CELA2A: variants seen among roughly 807,000 people sequenced by gnomAD.
CELA2A encodes the protein chymotrypsin-like elastase family member 2A.
CELA2A carries 31 observed loss-of-function variants against 35.3 expected under a neutral mutation model. That is an observed-to-expected ratio of 0.88 (90% CI 0.66 to 1.19). CELA2A has a LOEUF of 1.19. CELA2A is among the 50% of genes most tolerant of loss of function. CELA2A has a pLI of 0.00. For synonymous variants in CELA2A, 150 were observed against 149.8 expected, an observed-to-expected ratio of 1.00 and a Z score of -0.01; for missense variants, 330 against 352.9, an observed-to-expected ratio of 0.94 and a Z score of 0.52.
chr1:15,469,802 C>A (rs1319199060), intron 7 of CELA2A, among the ~76,000 whole-genome samples: 2 of 152,214 alleles, frequency 1.3e-5, no homozygotes, highest in Non-Finnish European at 2.9e-5. Context: ...TGGCCTGAGA[C>A]TGACTGGACG....
At chr1:15,458,249 T>A (rs1708386934) in intron 2 of CELA2A, among the ~76,000 whole-genome samples, 1 of 152,160 alleles carries the variant, frequency 6.6e-6, no homozygotes, top group African/African-American at 2.4e-5. Context: ...TTTGAGACGT[T>A]CACAAAGCAA....
At chr1:15,467,217 A>T (rs1708530199) in intron 6 of CELA2A, among the ~76,000 whole-genome samples, 169 bp from the exon 7 acceptor site, 1 of 152,188 alleles carries the variant, frequency 6.6e-6, no homozygotes, top group African/African-American at 2.4e-5. Flanking sequence ...AGGAAGAATA[A>T]GTGTTGGCTC....
At chr1:15,459,918 A>G (rs1171493434) in intron 2 of CELA2A, among the ~76,000 whole-genome samples, 1 of 151,228 alleles carries the variant, frequency 6.6e-6, no homozygotes, top group Non-Finnish European at 1.5e-5. Flanking sequence ...AGAGTTTGAG[A>G]CCAGCATGGG....
chr1:15,464,742 AC>A (rs1210324988), intron 5 of CELA2A, among the ~76,000 whole-genome samples: 1 of 151,926 alleles, frequency 6.6e-6, no homozygotes, highest in Non-Finnish European at 1.5e-5. Context: ...TCCCCAGACA[AC>A]CCTGGGGCAG....
At chr1:15,460,567 GGGA>G (rs1032673744) in intron 2 of CELA2A, among the ~76,000 whole-genome samples, 1 of 151,958 alleles carries the variant, frequency 6.6e-6, no homozygotes, top group African/African-American at 2.4e-5. Context: ...TGAAAGACAG[GGGA>G]GGAGGAATGA....
chr1:15,463,366 T>C lies in CELA2A; in HGVS notation c.357-20T>C, dbSNP rs7555510. The C allele has an allele frequency of 0.078, 125,021 of 1,612,892 alleles. 5,988 individuals are homozygous for C. The highest frequency in any genetic ancestry group is 0.21 in the African/African-American group (15,708 of 74,936). ...GAAAAGTCAACCCGGTCCTCATGCTTCGCCTCCACACTCACCCAGGAACGA... is the reference window on the plus strand; with the variant it reads ...GAAAAGTCAACCCGGTCCTCATGCTCCGCCTCCACACTCACCCAGGAACGA... On this transcript the variant is annotated intron_variant, in intron 4 of 7. Coordinates refer to ENST00000359621, the MANE Select transcript of CELA2A (RefSeq NM_033440.3).
At chr1:15,470,244 T>G (rs1395185803) in intron 7 of CELA2A, among the ~76,000 whole-genome samples, 1 of 152,120 alleles carries the variant, frequency 6.6e-6, no homozygotes, top group Non-Finnish European at 1.5e-5. Flanking sequence ...ACACAGTGTG[T>G]GCAGCCTGGA....
chr1:15,467,445 C>T lies in CELA2A; in HGVS notation c.699C>T (p.Gly233=), dbSNP rs1708534313. Reference sequence around the variant, plus strand: ...CTGACGGCCGGTGGCAGGTGCACGGCATCGTCAGCTTCGGGTCTCGCCTCG... The same window carrying T: ...CTGACGGCCGGTGGCAGGTGCACGGTATCGTCAGCTTCGGGTCTCGCCTCG... The part of the protein sequence containing the change: ...QASDGRWQVH[G]IVSFGSRLGC... Residue 233 remains glycine (G), a synonymous_variant, in exon 7 of 8, where the codon GGC becomes GGT. Transcript: ENST00000359621. 1 of 1,614,092 alleles carries T rather than the reference C, an allele frequency of 6.2e-7. No individual in the cohort carries two copies. The highest frequency in any genetic ancestry group is 8.5e-7 in the Non-Finnish European group (1 of 1,180,038).
At chr1:15,471,938 T>C (rs3820070) in intron 7 of CELA2A, 52 bp from the exon 8 acceptor site, 61,740 of 1,612,678 alleles carry the variant, frequency 0.038, 2,903 homozygotes, top group East Asian at 0.28. Context: ...GAAACTGCCA[T>C]GCACAGCTCT....
At position 15,472,039 on chromosome 1, in the gene CELA2A, T is replaced by C; in HGVS notation, c.*32T>C. On this transcript the variant is annotated 3_prime_UTR_variant, in exon 8 of 8. Coordinates refer to ENST00000359621, the MANE Select transcript of CELA2A (RefSeq NM_033440.3). ...GAAGTCCCTGGGACTGTTTCAGACT[T>C]GGAAAGGTCACAGAAGGAAAATAAT... 1 of 1,613,706 alleles carries C rather than the reference T, an allele frequency of 6.2e-7. No homozygotes were observed. Among genetic ancestry groups the C allele is most frequent in the Non-Finnish European group, 8.5e-7 (1 of 1,179,712 alleles).
chr1:15,462,898 G>T lies in CELA2A; in HGVS notation c.356+37G>T. ...TCTGGGTGCACTTGGGGGTGAGGTTGTCAGGGAACAGATGGGGGTCTCACA... is the reference window on the plus strand; with the variant it reads ...TCTGGGTGCACTTGGGGGTGAGGTTTTCAGGGAACAGATGGGGGTCTCACA... On this transcript the variant is annotated intron_variant, in intron 4 of 7. Coordinates refer to ENST00000359621, the MANE Select transcript of CELA2A (RefSeq NM_033440.3). The T allele has an allele frequency of 3.7e-6, 6 of 1,613,812 alleles. No individual in the cohort carries two copies. In the South Asian group the frequency reaches 5.5e-5, roughly 15 times the overall value.
intron 5 of CELA2A, among the ~76,000 whole-genome samples, chr1:15,465,665 C>T (rs1192130328): frequency 6.6e-6 from 1 of 152,184 alleles, no homozygotes; most frequent in Admixed American, 6.5e-5. Context: ...AGGAAACCCT[C>T]CCTCAGAATT....
intron 5 of CELA2A, among the ~76,000 whole-genome samples, chr1:15,464,250 T>C (rs1708480864): frequency 6.6e-6 from 1 of 152,126 alleles, no homozygotes; most frequent in Admixed American, 6.5e-5. Flanking sequence ...CATTTTCCTC[T>C]GTGACCTGAG....
chr1:15,463,096 C>A, intron 4 of CELA2A: 1 of 730,244 alleles, frequency 1.4e-6, no homozygotes, highest in Non-Finnish European at 2.2e-6. Flanking sequence ...GCCAGTTACA[C>A]CTGCAGGGCC....
chr1:15,458,492 T>C (rs917668680), intron 2 of CELA2A, among the ~76,000 whole-genome samples: 2 of 152,334 alleles, frequency 1.3e-5, no homozygotes, highest in African/African-American at 4.8e-5. Flanking sequence ...TGAATCAGGA[T>C]GAGTTTCTAC....
At chr1:15,466,444 C>CA (rs752328259) in intron 6 of CELA2A, among the ~76,000 whole-genome samples, 1 of 151,828 alleles carries the variant, frequency 6.6e-6, no homozygotes, top group Non-Finnish European at 1.5e-5. Context: ...CGCCTGTACT[C>CA]ACAGCTACTC....
chr1:15,462,674 G>A, intron 3 of CELA2A, 59 bp from the exon 4 acceptor site: 1 of 1,602,352 alleles, frequency 6.2e-7, no homozygotes, highest in Non-Finnish European at 8.5e-7. Context: ...TCTATCCCCA[G>A]CATTATCCAA....
At chr1:15,471,044 T>C (rs951825826) in intron 7 of CELA2A, among the ~76,000 whole-genome samples, 5 of 152,240 alleles carry the variant, frequency 3.3e-5, no homozygotes, top group Non-Finnish European at 5.9e-5. Flanking sequence ...TTTTACATGT[T>C]AGTACATACA....
intron 7 of CELA2A, among the ~76,000 whole-genome samples, chr1:15,468,091 TA>T (rs35520894): frequency 0.52 from 44,971 of 86,468 alleles, 10,845 homozygotes; most frequent in East Asian, 0.66. Context: ...AAACTCCATC[TA>T]AAAAAAAAAA....
Sources: gnomAD v4.1 joint callset for allele counts (sites outside exome capture counted in the v4.1 genomes callset) on GRCh38, gnomAD v4.1.1 for gene constraint, MANE v1.5 for transcripts, NCBI Gene and HGNC (gene_info 2026-07-23, HGNC 2026-07-21) for gene names.